The following GPC5 variants were observed in gnomAD, a reference collection of about 807,000 sequenced individuals.
GPC5 encodes glypican 5.
Under a neutral mutation model 53.9 loss-of-function variants are expected in GPC5, and 47 were observed. The observed-to-expected ratio is 0.87, with a 90% confidence interval of 0.69 to 1.11. The LOEUF (loss-of-function observed/expected upper bound fraction) is 1.11. GPC5 is among the 50% of genes most tolerant of loss of function. GPC5 has a pLI of 0.00. For synonymous variants in GPC5, 286 were observed against 263.3 expected (o/e 1.09, Z -0.84); for missense variants, 748 against 713.1 (o/e 1.05, Z -0.56).
rs1382058215 is a variant in GPC5 at position 91,693,502 on chromosome 13, A to G, written c.641A>G (p.Gln214Arg). 6.2e-7 allele frequency: 1 copy of G among 1,614,120 alleles called. No individual in the cohort carries two copies. The highest frequency in any genetic ancestry group is 8.5e-7 in the Non-Finnish European group (1 of 1,180,002). Residue 214 changes from glutamine (Q) to arginine (R), a missense_variant, in exon 3 of 8, where the codon CAG (glutamine) becomes CGG (arginine). Transcript: ENST00000377067. ...FGNIPQRVMG[Q>R]MGRSLLPSRT... Reference sequence around the variant, plus strand: ...AATATTCCCCAAAGAGTAATGGGACAGATGGGGAGGTCCCTGCTGCCCAGC... The same window carrying G: ...AATATTCCCCAAAGAGTAATGGGACGGATGGGGAGGTCCCTGCTGCCCAGC...
At chr13:92,678,003 T>A (rs1038194190) in intron 7 of GPC5, among the ~76,000 whole-genome samples, 6 of 152,224 alleles carry the variant, frequency 3.9e-5, no homozygotes, top group African/African-American at 1.4e-4. Flanking sequence ...AGGAACAAGT[T>A]TATTTCCCAA....
chr13:91,440,191 C>T (rs61444941), intron 1 of GPC5, among the ~76,000 whole-genome samples: 2 of 152,158 alleles, frequency 1.3e-5, no homozygotes, highest in South Asian at 4.1e-4. Context: ...CCTGTTTTCT[C>T]TCTTCTTGCC....
chr13:92,827,613 C>CA (rs1290588263), intron 7 of GPC5, among the ~76,000 whole-genome samples: 1 of 152,146 alleles, frequency 6.6e-6, no homozygotes, highest in African/African-American at 2.4e-5. Flanking sequence ...GGCTGCTTTG[C>CA]ATGTACACGC....
At chr13:91,665,827 G>A (rs1594400785) in intron 2 of GPC5, among the ~76,000 whole-genome samples, 1 of 152,106 alleles carries the variant, frequency 6.6e-6, no homozygotes, top group African/African-American at 2.4e-5. Context: ...TTGAGTTCAG[G>A]TGTTAGATAC....
At chr13:92,684,980 A>G (rs1349456662) in intron 7 of GPC5, among the ~76,000 whole-genome samples, 1 of 152,224 alleles carries the variant, frequency 6.6e-6, no homozygotes, top group Non-Finnish European at 1.5e-5. Context: ...CAATTTTCTA[A>G]TGACATATGA....
chr13:92,619,572 A>C (rs1884804505), intron 7 of GPC5, among the ~76,000 whole-genome samples: 1 of 151,948 alleles, frequency 6.6e-6, no homozygotes, highest in Admixed American at 6.6e-5. Flanking sequence ...CTCTTAAATA[A>C]TTTCAGTTTG....
intron 7 of GPC5, among the ~76,000 whole-genome samples, chr13:92,852,192 T>C (rs146188809): frequency 4.4e-4 from 67 of 152,252 alleles, no homozygotes; most frequent in Non-Finnish European, 7.2e-4. Context: ...TCCTTGGTGC[T>C]TGTGGATGGG....
At chr13:92,753,280 G>A (rs1458075669) in intron 7 of GPC5, among the ~76,000 whole-genome samples, 1 of 152,172 alleles carries the variant, frequency 6.6e-6, no homozygotes, top group South Asian at 2.1e-4. Flanking sequence ...TGAGGGTCCT[G>A]TCTGTTAGAA....
intron 2 of GPC5, among the ~76,000 whole-genome samples, chr13:91,691,963 A>T (rs944550397): frequency 6.6e-6 from 1 of 152,192 alleles, no homozygotes; most frequent in Non-Finnish European, 1.5e-5. Context: ...ACAGTCCAGT[A>T]TCCTTATTTA....
At position 91,629,989 on chromosome 13, in the gene GPC5, C is replaced by T. The variant is rs1024487118; in HGVS notation, c.326-63198C>T. On this transcript the variant is annotated intron_variant, in intron 2 of 7. Transcript: ENST00000377067. Reference sequence around the variant, plus strand: ...CTTTTCCAATGATCATCTTTATCGCCAGGCACAGAATTTTCTCTCACCTAC... The same window carrying T: ...CTTTTCCAATGATCATCTTTATCGCTAGGCACAGAATTTTCTCTCACCTAC... Among the ~76,000 whole-genome samples, 54 of 152,034 alleles carry T rather than the reference C, an allele frequency of 3.6e-4. 2 individuals carry two copies.
chr13:92,163,737 A>G (rs1464210593), intron 7 of GPC5, among the ~76,000 whole-genome samples: 9 of 152,162 alleles, frequency 5.9e-5, no homozygotes, highest in Non-Finnish European at 1.3e-4. Context: ...CAAATTTCCT[A>G]TTTCAAAGAT....
At chr13:91,933,237 T>G (rs1447692096) in intron 6 of GPC5, among the ~76,000 whole-genome samples, 3 of 151,958 alleles carry the variant, frequency 2.0e-5, no homozygotes, top group Admixed American at 1.3e-4. Flanking sequence ...CTCAGGCCTG[T>G]TTAACCTACT....
chr13:92,405,367 G>A (rs1358500897), intron 7 of GPC5, among the ~76,000 whole-genome samples: 1 of 152,182 alleles, frequency 6.6e-6, no homozygotes, highest in Non-Finnish European at 1.5e-5. Flanking sequence ...ATGAGGAGAA[G>A]TGCAAACAAC....
intron 7 of GPC5, among the ~76,000 whole-genome samples, chr13:92,715,319 C>T (rs1733422796): frequency 6.6e-6 from 1 of 152,170 alleles, no homozygotes; most frequent in Admixed American, 6.5e-5. Flanking sequence ...AAAAACTCTA[C>T]ATTTTGAACA....
chr13:92,480,803 A>G (rs1362775068), intron 7 of GPC5, among the ~76,000 whole-genome samples: 3 of 152,198 alleles, frequency 2.0e-5, no homozygotes, highest in Non-Finnish European at 4.4e-5. Context: ...AAATGAAGGG[A>G]TTAACCTGTC....
intron 5 of GPC5, among the ~76,000 whole-genome samples, chr13:91,869,142 C>A (rs1441598012): frequency 6.6e-6 from 1 of 152,066 alleles, no homozygotes. Context: ...TTATTACAAG[C>A]TCTGCCCCCT....
chr13:91,509,492 T>A (rs1263834698), intron 2 of GPC5, among the ~76,000 whole-genome samples: 2 of 150,858 alleles, frequency 1.3e-5, no homozygotes, highest in Non-Finnish European at 3.0e-5. Flanking sequence ...TAAAAAGTCA[T>A]GCTATAATAG....
chr13:92,162,761 G>A (rs1281231029), intron 7 of GPC5, among the ~76,000 whole-genome samples: 1 of 152,116 alleles, frequency 6.6e-6, no homozygotes, highest in African/African-American at 2.4e-5. Flanking sequence ...AAAGTTAAGG[G>A]CCTATCACAG....
chr13:92,438,530 C>T (rs1188383021), intron 7 of GPC5, among the ~76,000 whole-genome samples: 1 of 151,642 alleles, frequency 6.6e-6, no homozygotes, highest in Non-Finnish European at 1.5e-5. Context: ...AATGGGAAAA[C>T]CTTTAAAGCT....
Sources: gnomAD v4.1 joint callset for allele counts (sites outside exome capture counted in the v4.1 genomes callset) on GRCh38, gnomAD v4.1.1 for gene constraint, MANE v1.5 for transcripts, NCBI Gene and HGNC (gene_info 2026-07-23, HGNC 2026-07-21) for gene names.